The following ABL2 variants were observed in gnomAD, a reference collection of about 807,000 sequenced individuals.
The protein encoded by ABL2 is ABL proto-oncogene 2, non-receptor tyrosine kinase.
Under a neutral mutation model 107.7 loss-of-function variants are expected in ABL2, and 49 were observed. The observed-to-expected ratio is 0.45, with a 90% confidence interval of 0.36 to 0.58. The LOEUF (loss-of-function observed/expected upper bound fraction) is 0.58. ABL2 is among the 20% of genes least tolerant of loss of function. ABL2 has a pLI of 0.00. For missense variants in ABL2, 1,245 were observed against 1,457.0 expected, an observed-to-expected ratio of 0.85 and a Z score of 2.37; for synonymous variants, 549 against 548.6, an observed-to-expected ratio of 1.00 and a Z score of -0.01.
At chr1:179,125,550 C>G (rs1316987714) in intron 4 of ABL2, among the ~76,000 whole-genome samples, 1 of 152,154 alleles carries the variant, frequency 6.6e-6, no homozygotes, top group Non-Finnish European at 1.5e-5. Flanking sequence ...AGGAAACATA[C>G]TATGTCTGTA....
chr1:179,194,775 T>C (rs1392710787), intron 1 of ABL2, among the ~76,000 whole-genome samples: 4 of 151,766 alleles, frequency 2.6e-5, no homozygotes, highest in Admixed American at 1.3e-4. Context: ...GGAACAAATA[T>C]GTTGCGTTTA....
intron 1 of ABL2, among the ~76,000 whole-genome samples, chr1:179,136,873 C>CG (rs35212331): frequency 0.066 from 9,852 of 149,202 alleles, 463 homozygotes; most frequent in Non-Finnish European, 0.11. Context: ...CCAAGATCGC[C>CG]GCTGTGCTCC....
At chr1:179,217,826 A>G (rs1662655022) in intron 1 of ABL2, among the ~76,000 whole-genome samples, 1 of 152,098 alleles carries the variant, frequency 6.6e-6, no homozygotes. Context: ...AAACCTCATC[A>G]CTGGTCAAGA....
In ABL2 at chr1:179,108,225, G is replaced by A; in HGVS notation, c.3042C>T (p.Ser1014=). The A allele has an allele frequency of 6.2e-7, 1 of 1,614,164 alleles. No individual in the cohort carries two copies. ...EEPTALTAGQ[S]TSETQEGGKK... is the part of the protein sequence containing the mutation. ...TTCCTCCTTCCTGTGTTTCTGATGT[G>A]GACTGTCCTGCAGTTAGGGCAGTTG... The change falls in exon 12 of 12, where the codon TCC becomes TCT. Residue 1014 remains serine, a synonymous_variant. Coordinates refer to ENST00000502732, the MANE Select transcript of ABL2 (RefSeq NM_007314.4).
At chr1:179,143,931 C>T (rs996355288) in intron 1 of ABL2, among the ~76,000 whole-genome samples, 2 of 151,592 alleles carry the variant, frequency 1.3e-5, no homozygotes, top group African/African-American at 2.4e-5. Flanking sequence ...CTCCTGACCT[C>T]GTGATCCACC....
intron 1 of ABL2, among the ~76,000 whole-genome samples, chr1:179,215,040 G>A (rs931928850): frequency 2.0e-5 from 3 of 151,812 alleles, no homozygotes; most frequent in African/African-American, 7.3e-5. Context: ...GGCGCCTGTA[G>A]TCCCAGCTAC....
chr1:179,212,904 G>T (rs1662356921), intron 1 of ABL2, among the ~76,000 whole-genome samples: 1 of 151,478 alleles, frequency 6.6e-6, no homozygotes, highest in Admixed American at 6.6e-5. Flanking sequence ...AAATTAGCCA[G>T]GCGTGGTGGC....
rs371922902 is a variant in ABL2 at position 179,108,326 on chromosome 1, T to G, written c.2941A>C (p.Lys981Gln). The change falls in exon 12 of 12, where the codon AAG (lysine) becomes CAG (glutamine). Residue 981 changes from lysine (K) to glutamine (Q), a missense_variant. Lys to Gln is a moderately conservative substitution (Grantham distance 53). Transcript: ENST00000502732. ...DKDRPRRVKP[K>Q]CAPPPPPVMR... The stretch of plus-strand genomic sequence containing the variant: ...ACTGGTGGTGGGGGTGGGGCACACT[T>G]TGGTTTTACCCGTCGGGGTCGGTCC... 2.5e-6 allele frequency: 4 copies of G among 1,614,092 alleles called. No individual in the cohort carries two copies. Among genetic ancestry groups the G allele is most frequent in the Non-Finnish European group, 3.4e-6 (4 of 1,180,046 alleles).
At chr1:179,188,940 A>G (rs1423865419) in intron 1 of ABL2, among the ~76,000 whole-genome samples, 1 of 152,226 alleles carries the variant, frequency 6.6e-6, no homozygotes. Flanking sequence ...GATTAAATGT[A>G]TACCCCTTAA....
chr1:179,211,935 C>T (rs1571327553), intron 1 of ABL2, among the ~76,000 whole-genome samples: 2 of 152,272 alleles, frequency 1.3e-5, no homozygotes, highest in South Asian at 2.1e-4. Context: ...GAGGAAAATA[C>T]TCTCTCCTTA....
At chr1:179,131,083 G>A (rs575879183) in intron 3 of ABL2, 28 of 307,002 alleles carry the variant, frequency 9.1e-5, no homozygotes, top group Non-Finnish European at 1.7e-4. Context: ...TGGGACTACA[G>A]GCATGGGCTA....
intron 10 of ABL2, chr1:179,110,811 T>C (rs201386260): frequency 1.9e-6 from 3 of 1,613,978 alleles, no homozygotes; most frequent in Non-Finnish European, 2.5e-6. Flanking sequence ...TGGTTCACAA[T>C]GTTATGCACG....
At chr1:179,146,994 T>C (rs1405685089) in intron 1 of ABL2, among the ~76,000 whole-genome samples, 3 of 151,650 alleles carry the variant, frequency 2.0e-5, no homozygotes, top group African/African-American at 7.3e-5. Flanking sequence ...CCTGGGAGGT[T>C]GAGGCTGTAG....
chr1:179,163,848 A>ATGTGTATTCCACTATGAG (rs1659223938), intron 1 of ABL2, among the ~76,000 whole-genome samples: 1 of 152,244 alleles, frequency 6.6e-6, no homozygotes, highest in Non-Finnish European at 1.5e-5. Flanking sequence ...CATCCATACT[A>ATGTGTATTCCACTATGAG]TGGAATACCA....
intron 1 of ABL2, among the ~76,000 whole-genome samples, chr1:179,153,250 G>A (rs1399739259): frequency 6.6e-6 from 1 of 151,904 alleles, no homozygotes; most frequent in Non-Finnish European, 1.5e-5. Flanking sequence ...TCCTCCCTAG[G>A]TGAAGTCATT....
chr1:179,111,283 T>TTC (rs1654053345), intron 10 of ABL2, among the ~76,000 whole-genome samples: 3 of 133,540 alleles, frequency 2.2e-5, no homozygotes. Context: ...TGCTCAGTCT[T>TTC]TTTTTTTTTT....
Position 179,110,515 on chromosome 1 carries a change from C to A in ABL2, c.1652-60G>T, listed in dbSNP as rs116837191. 13,355 of 1,550,152 alleles carry A rather than the reference C, an allele frequency of 8.6e-3. 137 individuals are homozygous for A. The highest frequency in any genetic ancestry group is 0.04 in the South Asian group (3,146 of 79,260). On this transcript the variant is annotated intron_variant, in intron 10 of 11. Transcript: ENST00000502732. Reference sequence around the variant, plus strand: ...AATTTCATAGCAGAAAAAGGGAGTTCTTTTCAGAAAAGGCACACAACTGAG... The same window carrying A: ...AATTTCATAGCAGAAAAAGGGAGTTATTTTCAGAAAAGGCACACAACTGAG...
chr1:179,138,336 C>T (rs951673159), intron 1 of ABL2, among the ~76,000 whole-genome samples: 11 of 152,198 alleles, frequency 7.2e-5, no homozygotes, highest in South Asian at 2.1e-4. Context: ...TGAGCTCAAG[C>T]GATCCACCTG....
intron 1 of ABL2, among the ~76,000 whole-genome samples, chr1:179,205,887 A>C (rs1661946070): frequency 6.6e-6 from 1 of 152,232 alleles, no homozygotes. Flanking sequence ...AACAGCAAAA[A>C]AATAAAGACC....
Sources: gnomAD v4.1 joint callset for allele counts (sites outside exome capture counted in the v4.1 genomes callset) on GRCh38, gnomAD v4.1.1 for gene constraint, MANE v1.5 for transcripts, NCBI Gene and HGNC (gene_info 2026-07-23, HGNC 2026-07-21) for gene names.